Variants in MLYCD observed in about 807,000 individuals in gnomAD.
The protein encoded by MLYCD is malonyl-CoA decarboxylase.
MLYCD carries 27 observed loss-of-function variants against 35.8 expected under a neutral mutation model. That is an observed-to-expected ratio of 0.75 (90% CI 0.56 to 1.04). The LOEUF (loss-of-function observed/expected upper bound fraction) is 1.04. Among genes scored for constraint, MLYCD ranks in the 50% least tolerant of loss-of-function variants. MLYCD has a pLI of 0.00. For synonymous variants in MLYCD, 403 were observed against 302.4 expected (o/e 1.33, Z -3.45); for missense variants, 917 against 665.1 (o/e 1.38, Z -4.17).
chr16:83,913,027 A>G (rs1406395017), intron 4 of MLYCD: 1 of 162,978 alleles, frequency 6.1e-6, no homozygotes, highest in African/African-American at 2.4e-5. Flanking sequence ...TCCAATGAGT[A>G]GAATCTAATA....
rs772187327 is a variant in MLYCD, at chr16:83,915,219, G to GT, written c.1213dup (p.Tyr405LeufsTer74). The GT allele has an allele frequency of 4.3e-6, 7 of 1,613,924 alleles. No individual in the cohort carries two copies. The South Asian group carries it at 6.6e-5, about 15-fold the overall frequency. ...CTCCGCTGATGAGGCTGTGCGCCTGGTACCTGTATGGAGAGAAGCACCGCG... is the reference window on the plus strand; with the variant it reads ...CTCCGCTGATGAGGCTGTGCGCCTGGTTACCTGTATGGAGAGAAGCACCGCG... On this transcript the variant is annotated frameshift_variant, in exon 5 of 5. Coordinates refer to ENST00000262430, the MANE Select transcript of MLYCD (RefSeq NM_012213.3). LOFTEE classifies it high-confidence loss of function.
At chr16:83,911,421 A>C (rs1907176105) in intron 3 of MLYCD, among the ~76,000 whole-genome samples, 1 of 152,246 alleles carries the variant, frequency 6.6e-6, no homozygotes, top group Non-Finnish European at 1.5e-5. Context: ...CTTCAAAAGT[A>C]AGCTGGTTTC....
At position 83,915,573 on chromosome 16, in the gene MLYCD, G is replaced by C. The variant is rs1175934956; in HGVS notation, c.*84G>C. 7.7e-6 allele frequency: 12 copies of C among 1,561,286 alleles called. No homozygotes were observed. The East Asian group carries it at 2.8e-4, about 36-fold the overall frequency. ...GGCCGGGAGTTATGTATCTGAAGCA[G>C]CTTTCCAAGCAAAGCCAAAGTTGAC... On this transcript the variant is annotated 3_prime_UTR_variant, in exon 5 of 5. Transcript: ENST00000262430.
Position 83,902,529 on chromosome 16 carries a change from A to C in MLYCD, c.528+2857A>C, listed in dbSNP as rs1201865589. ...ATTTTTTTTTTTTTTTTTTTGAGAC[A>C]GAGTCTTGCTCTGTTGCCCAGGCTG... On this transcript the variant is annotated intron_variant, in intron 1 of 4. Coordinates refer to ENST00000262430, the MANE Select transcript of MLYCD (RefSeq NM_012213.3). 4.5e-5 allele frequency among the ~76,000 whole-genome samples: 6 copies of C among 132,194 alleles called. No individual in the cohort carries two copies. In the East Asian group the frequency reaches 1.3e-3, roughly 29 times the overall value. 86.7% of individuals were successfully genotyped at this position (132,194 alleles called of 152,430 possible).
chr16:83,907,153 T>C (rs1235207609), intron 2 of MLYCD, 54 bp downstream of exon 2: 2 of 1,436,598 alleles, frequency 1.4e-6, no homozygotes, highest in African/African-American at 1.4e-5. Context: ...TATATATTTG[T>C]GTATGTTTTA....
chr16:83,899,197 T>C lies in MLYCD; in HGVS notation c.53T>C (p.Leu18Ser). ...GCCAGGCGTCTCCTCCCGCTGCGGTTGCCCCCGCGGCCGCCCGGGCCCCGG... is the reference window on the plus strand; with the variant it reads ...GCCAGGCGTCTCCTCCCGCTGCGGTCGCCCCCGCGGCCGCCCGGGCCCCGG... ...LTARRLLPLRLPPRPPGPRLA... is the reference protein window; with the variant it reads ...LTARRLLPLRSPPRPPGPRLA... Residue 18 changes from leucine (L) to serine (S), a missense_variant, in exon 1 of 5, where the codon TTG becomes TCG. Leu to Ser is a moderately radical substitution (Grantham distance 145). Coordinates refer to ENST00000262430, the MANE Select transcript of MLYCD (RefSeq NM_012213.3). 2.5e-6 allele frequency: 3 copies of C among 1,177,354 alleles called. No homozygotes were observed. Among genetic ancestry groups the C allele is most frequent in the Non-Finnish European group, 3.1e-6 (3 of 956,876 alleles). The allele number at this position is 1,177,354 out of a possible 1,614,324, so 72.9% of individuals were successfully genotyped here.
intron 1 of MLYCD, among the ~76,000 whole-genome samples, chr16:83,903,777 T>C (rs983210879): frequency 2.0e-5 from 3 of 151,972 alleles, no homozygotes; most frequent in Non-Finnish European, 2.9e-5. Flanking sequence ...AAAAAAAAAA[T>C]AAGAAACACT....
Position 83,916,228 on chromosome 16 carries a change from G to T in MLYCD, c.*739G>T, listed in dbSNP as rs1269929040. On this transcript the variant is annotated 3_prime_UTR_variant, in exon 5 of 5. Coordinates refer to ENST00000262430, the MANE Select transcript of MLYCD (RefSeq NM_012213.3). ...GTCGTCTTTAAGATTAGAGACCTGG[G>T]AAGGCTGGAATCAGCCAGCCAGCCT... The T allele has an allele frequency of 1.0e-6, 1 of 987,530 alleles. No individual in the cohort carries two copies. The highest frequency in any genetic ancestry group is 1.2e-6 in the Non-Finnish European group (1 of 829,950). The allele number at this position is 987,530 out of a possible 1,614,324, so 61.2% of individuals were successfully genotyped here.
intron 3 of MLYCD, among the ~76,000 whole-genome samples, chr16:83,911,099 C>T (rs142572497): frequency 0.024 from 3,656 of 152,264 alleles, 160 homozygotes; most frequent in African/African-American, 0.085. Flanking sequence ...GCCTCAGCCT[C>T]CGTAGTAGCT....
Position 83,912,650 on chromosome 16 carries a change from G to A in MLYCD, c.948+283G>A, listed in dbSNP as rs73245067. ...CATCAACTCTCTCTAGGGTGACCTC[G>A]TTCTGACCTGGTCAGGACACTCTGG... On this transcript the variant is annotated intron_variant, in intron 4 of 4. Coordinates refer to ENST00000262430, the MANE Select transcript of MLYCD (RefSeq NM_012213.3). 1,263 of 448,632 alleles carry A rather than the reference G, an allele frequency of 2.8e-3. 10 individuals are homozygous for A. Among genetic ancestry groups the A allele is most frequent in the African/African-American group, 0.023 (1,144 of 50,184 alleles). The allele number at this position is 448,632 out of a possible 1,614,324, so 27.8% of individuals were successfully genotyped here. A position where few individuals can be genotyped will look rare whatever the true frequency, so the allele number is the denominator to read the frequency against.
chr16:83,903,977 G>T (rs549490513), intron 1 of MLYCD, among the ~76,000 whole-genome samples: 17 of 152,326 alleles, frequency 1.1e-4, no homozygotes, highest in African/African-American at 4.1e-4. Flanking sequence ...ATCCCAGCCT[G>T]AACAGCTGCT....
rs1907562165 is a variant in MLYCD at position 83,919,325 on chromosome 16, G to C, written c.*3836G>C. The stretch of plus-strand genomic sequence containing the variant: ...CAGTGCACAGGAGAACACACACAGT[G>C]CACAGAATTCATGCACACAGTGCAC... On this transcript the variant is annotated 3_prime_UTR_variant, in exon 5 of 5. Transcript: ENST00000262430. The C allele has an allele frequency of 7.2e-6, 1 of 139,302 alleles. No homozygotes were observed. Among genetic ancestry groups the C allele is most frequent in the Admixed American group, 7.2e-5 (1 of 13,906 alleles). 8.6% of individuals were successfully genotyped at this position (139,302 alleles called of 1,614,324 possible).
chr16:83,915,831 A>G lies in MLYCD; in HGVS notation c.*342A>G. 3 of 1,226,790 alleles carry G rather than the reference A, an allele frequency of 2.4e-6. No individual in the cohort carries two copies. Among genetic ancestry groups the G allele is most frequent in the Non-Finnish European group, 3.1e-6 (3 of 970,024 alleles). 76.0% of individuals were successfully genotyped at this position (1,226,790 alleles called of 1,614,324 possible). A position where few individuals can be genotyped will look rare whatever the true frequency, so the allele number is the denominator to read the frequency against. ...AAGCTGTGCAGCCTCTGCCATTGCCATCCCAGGGGGATCTGGCATCCTCCT... is the reference window on the plus strand; with the variant it reads ...AAGCTGTGCAGCCTCTGCCATTGCCGTCCCAGGGGGATCTGGCATCCTCCT... On this transcript the variant is annotated 3_prime_UTR_variant, in exon 5 of 5. Coordinates refer to ENST00000262430, the MANE Select transcript of MLYCD (RefSeq NM_012213.3).
chr16:83,909,078 G>A (rs1453409201), intron 3 of MLYCD, among the ~76,000 whole-genome samples: 1 of 152,144 alleles, frequency 6.6e-6, no homozygotes, highest in Non-Finnish European at 1.5e-5. Flanking sequence ...TCACCAAGGA[G>A]AAACACATTC....
At chr16:83,900,427 T>G (rs1906743329) in intron 1 of MLYCD, among the ~76,000 whole-genome samples, 1 of 152,096 alleles carries the variant, frequency 6.6e-6, no homozygotes, top group South Asian at 2.1e-4. Flanking sequence ...AAAACTAACC[T>G]GCCCTTTTTT....
At chr16:83,914,871 G>C in intron 4 of MLYCD, 85 bp from the exon 5 acceptor site, 1 of 1,575,782 alleles carries the variant, frequency 6.3e-7, no homozygotes, top group South Asian at 1.1e-5. Context: ...TGAGCCGTAG[G>C]TTAAGAGGTG....
chr16:83,907,180 A>G, intron 2 of MLYCD, 81 bp downstream of exon 2: 5 of 1,180,568 alleles, frequency 4.2e-6, no homozygotes, highest in Admixed American at 1.8e-5. Flanking sequence ...CTAAAAGCTA[A>G]TCTATCTCCA....
In MLYCD at chr16:83,915,036, C is replaced by T; in HGVS notation, c.1029C>T (p.Asn343=). The T allele has an allele frequency of 6.2e-7, 1 of 1,614,234 alleles. No individual in the cohort carries two copies. Among genetic ancestry groups the T allele is most frequent in the Non-Finnish European group, 8.5e-7 (1 of 1,180,050 alleles). Residue 343 remains asparagine, a synonymous_variant, in exon 5 of 5, where the codon AAC becomes AAT. Coordinates refer to ENST00000262430, the MANE Select transcript of MLYCD (RefSeq NM_012213.3). ...CCAAATGGCTTCTGGGGCTTCTGAA[C>T]TCGCAAACGAAGGAGCATGGGAGGA... The part of the protein sequence containing the change: ...GFTKWLLGLL[N]SQTKEHGRNE...
chr16:83,911,489 CT>C (rs1907178239), intron 3 of MLYCD, among the ~76,000 whole-genome samples: 1 of 152,204 alleles, frequency 6.6e-6, no homozygotes, highest in African/African-American at 2.4e-5. Flanking sequence ...ATCCAGTGAG[CT>C]TTGGAGTGTT....
Sources: allele counts gnomAD v4.1 joint callset (sites outside exome capture counted in the v4.1 genomes callset), GRCh38; gene constraint gnomAD v4.1.1; transcripts MANE v1.5; gene names NCBI Gene and HGNC (gene_info 2026-07-23, HGNC 2026-07-21).